PTPRS: variants seen among roughly 807,000 people sequenced by gnomAD.
PTPRS encodes the protein receptor-type tyrosine-protein phosphatase S.
Under a neutral mutation model 215.3 loss-of-function variants are expected in PTPRS, and 63 were observed. The ratio of observed to expected loss-of-function variants is 0.29; its 90% CI spans 0.24 to 0.36. PTPRS has a LOEUF of 0.36. Ranked by LOEUF, PTPRS falls within the 10% of genes least tolerant of loss-of-function variation. The pLI is 1.00. For missense variants in PTPRS, 2,258 were observed against 2,825.8 expected (o/e 0.80, Z 4.56); for synonymous variants, 1,404 against 1,191.4 (o/e 1.18, Z -3.68).
rs751945387 is a variant in PTPRS at position 5,239,032 on chromosome 19, T to C, written c.1736A>G (p.Tyr579Cys). 1.2e-6 allele frequency: 2 copies of C among 1,612,010 alleles called. No homozygotes were observed. Among genetic ancestry groups the C allele is most frequent in the Middle Eastern group, 1.7e-4 (1 of 6,056 alleles). Reference protein sequence around the residue: ...VGRTFDPTTSYVVEDLKPNTE... With the variant: ...VGRTFDPTTSCVVEDLKPNTE... ...GTTGGGCTTCAGGTCCTCCACCACG[T>C]AGGAAGTCGTCGGGTCGAAGGTCCT... The change falls in exon 13 of 38, where the codon TAC becomes TGC. Residue 579 changes from tyrosine (Y) to cysteine (C), a missense_variant. Physicochemically the swap from Tyr to Cys is radical, Grantham distance 194. Around this residue, in one of 6 missense-constraint regions of PTPRS, gnomAD observed 371 missense variants for 446.7 expected, o/e 0.83. Transcript: ENST00000262963.
chr19:5,336,611 C>A (rs530162815), intron 1 of PTPRS, among the ~76,000 whole-genome samples: 1 of 152,268 alleles, frequency 6.6e-6, no homozygotes, highest in South Asian at 2.1e-4. Context: ...GCCCTTGAAA[C>A]CTTCAAGCCC....
Position 5,223,177 on chromosome 19 carries a change from C to T in PTPRS, c.2615G>A (p.Arg872His), listed in dbSNP as rs374591804. The T allele has an allele frequency of 6.2e-5, 97 of 1,561,382 alleles. No homozygotes were observed. In the East Asian group the frequency reaches 6.9e-4, roughly 11 times the overall value. The change falls in exon 18 of 38, where the codon CGT (arginine) becomes CAT (histidine). Residue 872 changes from arginine (R) to histidine (H), a missense_variant. Arg to His is a conservative substitution (Grantham distance 29). This residue lies in a region of PTPRS where 361 missense variants were observed against 332.6 expected (regional missense o/e 1.09). Coordinates refer to ENST00000262963, the MANE Select transcript of PTPRS (RefSeq NM_002850.4). ...GGTGGCCAGGGGCGTCGAGTCCTCA[C>T]GGCCAAACTGCAGGCGGTAGCCCAG... ...QVLGYRLQFG[R>H]EDSTPLATLE...
chr19:5,274,701 A>G (rs146967489), intron 2 of PTPRS, among the ~76,000 whole-genome samples: 1 of 152,132 alleles, frequency 6.6e-6, no homozygotes, highest in African/African-American at 2.4e-5. Flanking sequence ...GGAAGGGGAA[A>G]CCTGTGAGAT....
At chr19:5,260,665 A>G in intron 7 of PTPRS, 140 bp downstream of exon 7, 1 of 1,137,844 alleles carries the variant, frequency 8.8e-7, no homozygotes. Context: ...CAGAGACCGG[A>G]CTAACACTGG....
chr19:5,329,348 T>C (rs1476733463), intron 1 of PTPRS, among the ~76,000 whole-genome samples: 2 of 152,264 alleles, frequency 1.3e-5, no homozygotes, highest in Admixed American at 1.3e-4. Flanking sequence ...AAACACATCC[T>C]GGCCGATAAC....
In PTPRS at chr19:5,210,363, A is replaced by G; in HGVS notation, c.5487+106T>C. The G allele has an allele frequency of 6.7e-7, 1 of 1,501,854 alleles. No individual in the cohort carries two copies. The highest frequency in any genetic ancestry group is 9.1e-7 in the Non-Finnish European group (1 of 1,099,614). The allele number at this position is 1,501,854 out of a possible 1,614,324, so 93.0% of individuals were successfully genotyped here. A position where few individuals can be genotyped will look rare whatever the true frequency, so the allele number is the denominator to read the frequency against. On this transcript the variant is annotated intron_variant, in intron 35 of 37. Coordinates refer to ENST00000262963, the MANE Select transcript of PTPRS (RefSeq NM_002850.4). This position sits in a 1 kb window ranked among gnomAD's most constrained non-coding sequence, Gnocchi z 4.5. ...TCAGCTGACACTTCTCCTGATTCCC[A>G]ATGCTTATGCCTAACCCTTGGCCTT... is the stretch of plus-strand genomic sequence containing the variant.
intron 2 of PTPRS, among the ~76,000 whole-genome samples, chr19:5,275,474 C>A (rs1034133162): frequency 4.0e-5 from 6 of 151,008 alleles, no homozygotes; most frequent in Non-Finnish European, 5.9e-5. Flanking sequence ...GCAGCCTAGA[C>A]CTCCCAGGCT....
intron 11 of PTPRS, among the ~76,000 whole-genome samples, chr19:5,242,750 G>A (rs2044153402): frequency 6.6e-6 from 1 of 152,024 alleles, no homozygotes; most frequent in Admixed American, 6.6e-5. Flanking sequence ...AGGCTGGAGT[G>A]TAGTGGTGCT....
intron 5 of PTPRS, among the ~76,000 whole-genome samples, chr19:5,263,319 C>A (rs1266957494): frequency 6.6e-6 from 1 of 152,134 alleles, no homozygotes; most frequent in Non-Finnish European, 1.5e-5. Flanking sequence ...AGTGTGAGGT[C>A]TGAGTCTCTC....
At chr19:5,229,712 C>G (rs1209167802) in intron 14 of PTPRS, 28 bp from the exon 15 acceptor site, 8 of 1,189,378 alleles carry the variant, frequency 6.7e-6, no homozygotes, top group Non-Finnish European at 8.4e-6. Flanking sequence ...AGGGGAGGGG[C>G]GGGCGGAGCC....
intron 12 of PTPRS, 73 bp from the exon 13 acceptor site, chr19:5,239,136 G>A (rs1325553372): frequency 6.0e-5 from 69 of 1,152,242 alleles, no homozygotes; most frequent in Non-Finnish European, 8.4e-5. Context: ...AGGGGAGAGA[G>A]AGAGAGACAG....
At chr19:5,227,270 T>G (rs1224352798) in intron 16 of PTPRS, among the ~76,000 whole-genome samples, 3 of 152,154 alleles carry the variant, frequency 2.0e-5, no homozygotes, top group Non-Finnish European at 4.4e-5. Flanking sequence ...CAGGCTGGTC[T>G]TAAACTTTGG....
Position 5,221,085 on chromosome 19 carries a change from C to T in PTPRS, c.3370G>A (p.Gly1124Ser), listed in dbSNP as rs779660659. ...GGCTTGGGGGCGACGCTGGGCTTGC[C>T]GTTGAGCAGGTTGAAGGCAGTCCAG... ...TAWTAFNLLN[G>S]KPSVAPKPDA... The change falls in exon 20 of 38, where the codon GGC (glycine) becomes AGC (serine). Residue 1124 changes from glycine to serine, a missense_variant. This residue lies in a region of PTPRS where 927 missense variants were observed against 1,125.9 expected (regional missense o/e 0.82). Transcript: ENST00000262963. The T allele has an allele frequency of 5.6e-6, 9 of 1,613,950 alleles. No individual in the cohort carries two copies. The highest frequency in any genetic ancestry group is 4.4e-5 in the South Asian group (4 of 91,062).
At chr19:5,324,362 C>A (rs2050115446) in intron 1 of PTPRS, among the ~76,000 whole-genome samples, 1 of 152,044 alleles carries the variant, frequency 6.6e-6, no homozygotes, top group Non-Finnish European at 1.5e-5. Context: ...GGGTCTTAGG[C>A]TCTGTACTCT....
chr19:5,321,801 T>C (rs2050030664), intron 1 of PTPRS, among the ~76,000 whole-genome samples: 1 of 152,080 alleles, frequency 6.6e-6, no homozygotes, highest in African/African-American at 2.4e-5. Flanking sequence ...AGTTCAGCTA[T>C]TTGCCCAAGC....
intron 7 of PTPRS, among the ~76,000 whole-genome samples, chr19:5,259,567 G>A (rs557496267): frequency 6.6e-6 from 1 of 152,264 alleles, no homozygotes; most frequent in South Asian, 2.1e-4. Context: ...GTAATCACAG[G>A]CCTGGATCAA....
intron 17 of PTPRS, among the ~76,000 whole-genome samples, chr19:5,225,328 T>G (rs2042385104): frequency 6.6e-6 from 1 of 151,974 alleles, no homozygotes; most frequent in Non-Finnish European, 1.5e-5. Context: ...GATTATGGGA[T>G]GAGGCAATCA....
At chr19:5,321,630 T>G (rs1452227147) in intron 1 of PTPRS, among the ~76,000 whole-genome samples, 1 of 152,244 alleles carries the variant, frequency 6.6e-6, no homozygotes, top group African/African-American at 2.4e-5. Flanking sequence ...CTCAGATGTC[T>G]CATTTCCAGA....
chr19:5,226,323 CCT>C (rs769955230), intron 16 of PTPRS, among the ~76,000 whole-genome samples: 103 of 152,256 alleles, frequency 6.8e-4, no homozygotes, highest in Admixed American at 1.9e-3. Flanking sequence ...GGCCTTCCCC[CCT>C]GTCTACACCC....
Sources: gnomAD v4.1 joint callset for allele counts (sites outside exome capture counted in the v4.1 genomes callset) on GRCh38, gnomAD v4.1.1 for gene constraint, gnomAD v4.1.1 regional missense constraint, Gnocchi (gnomAD v3.1) non-coding constraint, MANE v1.5 for transcripts, NCBI Gene and HGNC (gene_info 2026-07-23, HGNC 2026-07-21) for gene names.